Variants in ETV5 observed in about 807,000 individuals in gnomAD.
The protein encoded by ETV5 is ETS variant transcription factor 5.
A neutral mutation model predicts 70.0 loss-of-function variants in ETV5; 10 were observed. That is an observed-to-expected ratio of 0.14 (90% CI 0.09 to 0.24). The LOEUF is 0.24. ETV5 is among the 10% of genes least tolerant of loss of function. ETV5 has a pLI of 1.00. For missense variants in ETV5, 453 were observed against 651.2 expected (o/e 0.70, Z 3.31); for synonymous variants, 216 against 242.2 (o/e 0.89, Z 1.01).
At chr3:186,061,935 T>G (rs1713313994) in intron 9 of ETV5, among the ~76,000 whole-genome samples, 1 of 152,176 alleles carries the variant, frequency 6.6e-6, no homozygotes, top group African/African-American at 2.4e-5. Context: ...GACAATGTAC[T>G]AAAAACAACA....
chr3:186,096,672 T>C (rs1244395178), intron 5 of ETV5, among the ~76,000 whole-genome samples: 1 of 152,110 alleles, frequency 6.6e-6, no homozygotes, highest in East Asian at 1.9e-4. Flanking sequence ...CAAACTGCCT[T>C]ATTAAGTTTG....
intron 5 of ETV5, among the ~76,000 whole-genome samples, chr3:186,102,983 CTTGCCTTGCTTCT>C (rs1714496076): frequency 6.6e-6 from 1 of 152,124 alleles, no homozygotes; most frequent in African/African-American, 2.4e-5. Flanking sequence ...CATTTGTGTT[CTTGCCTTGCTTCT>C]TAAGCAAGTT....
intron 5 of ETV5, among the ~76,000 whole-genome samples, chr3:186,098,556 T>C (rs1183826459): frequency 1.3e-5 from 2 of 152,140 alleles, no homozygotes; most frequent in East Asian, 3.9e-4. Flanking sequence ...TGAATGCTCA[T>C]GAGACATCAA....
chr3:186,058,489 T>C (rs563145992), intron 9 of ETV5, among the ~76,000 whole-genome samples: 55 of 152,330 alleles, frequency 3.6e-4, no homozygotes, highest in South Asian at 2.5e-3. Context: ...TGGCTCATAC[T>C]ACAGGTCTGT....
rs567847270 is a variant in ETV5, at chr3:186,071,393, A to T, written c.651-5321T>A. On this transcript the variant is annotated intron_variant, in intron 7 of 12. Coordinates refer to ENST00000306376, the MANE Select transcript of ETV5 (RefSeq NM_004454.3). ...TCGAGAAGCAGCACAGCTGGGTAAG[A>T]GGCTGTGGCTGTGAAGTCAGAACAT... Among the ~76,000 whole-genome samples the T allele has an allele frequency of 1.1e-4, 17 of 152,348 alleles. No individual in the cohort carries two copies. In the East Asian group the frequency reaches 3.3e-3, roughly 29 times the overall value.
At chr3:186,078,066 AC>A (rs1257034098) in intron 7 of ETV5, 10 of 1,053,938 alleles carry the variant, frequency 9.5e-6, no homozygotes, top group Non-Finnish European at 1.1e-5. Context: ...GGAATCCAAA[AC>A]TCCTTCCTTC....
chr3:186,081,170 G>A lies in ETV5; in HGVS notation c.238C>T (p.Leu80Phe). 1 of 1,612,612 alleles carries A rather than the reference G, an allele frequency of 6.2e-7. No homozygotes were observed. Among genetic ancestry groups the A allele is most frequent in the South Asian group, 1.1e-5 (1 of 90,880 alleles). Residue 80 changes from leucine to phenylalanine, a missense_variant, in exon 6 of 13, where the codon CTT (leucine) becomes TTT (phenylalanine). This residue lies in a region of ETV5 where 47 missense variants were observed against 96.8 expected (regional missense o/e 0.49). Transcript: ENST00000306376. Reference sequence around the variant, plus strand: ...ATCTTGGTTGGAGGTGGGGCATGAAGCACCACTGAAATCAGAAGAGGGATG... The same window carrying A: ...ATCTTGGTTGGAGGTGGGGCATGAAACACCACTGAAATCAGAAGAGGGATG... Reference protein sequence around the residue: ...VPDFQSDNLVLHAPPPTKIKR... With the variant: ...VPDFQSDNLVFHAPPPTKIKR...
At chr3:186,071,054 T>A (rs1328528671) in intron 7 of ETV5, among the ~76,000 whole-genome samples, 1 of 152,230 alleles carries the variant, frequency 6.6e-6, no homozygotes, top group Non-Finnish European at 1.5e-5. Flanking sequence ...TATTTATTTG[T>A]CAGATTTATA....
At chr3:186,079,128 T>C (rs1453709669) in intron 7 of ETV5, 5 of 1,055,276 alleles carry the variant, frequency 4.7e-6, no homozygotes, top group African/African-American at 1.7e-5. Flanking sequence ...GCACATCTTC[T>C]ATAAAAGAAG....
intron 11 of ETV5, among the ~76,000 whole-genome samples, chr3:186,053,344 C>G (rs991366246): frequency 6.6e-6 from 1 of 152,198 alleles, no homozygotes; most frequent in African/African-American, 2.4e-5. Context: ...TCAAGTGACC[C>G]ACCTGCCTCA....
chr3:186,071,690 C>G (rs1377118046), intron 7 of ETV5, among the ~76,000 whole-genome samples: 2 of 152,156 alleles, frequency 1.3e-5, no homozygotes, highest in African/African-American at 4.8e-5. Flanking sequence ...CATGGTGGCT[C>G]AGGCCTGTAA....
intron 11 of ETV5, among the ~76,000 whole-genome samples, chr3:186,055,321 C>G (rs1033114998): frequency 6.6e-6 from 1 of 152,194 alleles, no homozygotes; most frequent in Non-Finnish European, 1.5e-5. Flanking sequence ...AGGTGACATG[C>G]TTTTCTCAAA....
At chr3:186,097,018 A>C (rs1381885282) in intron 5 of ETV5, among the ~76,000 whole-genome samples, 1 of 152,136 alleles carries the variant, frequency 6.6e-6, no homozygotes, top group Non-Finnish European at 1.5e-5. Context: ...CCGCTTGGCC[A>C]ATTAATCAAT....
chr3:186,066,081 A>C lies in ETV5; in HGVS notation c.651-9T>G, dbSNP rs775148708. ...ACAGTTGTCTCTGAAATCTGTAAGA[A>C]GAAAGAGGTTTTCATGTTGAACAAA... is the stretch of plus-strand genomic sequence containing the variant. On this transcript the variant is annotated splice_polypyrimidine_tract_variant and intron_variant, in intron 7 of 12. Coordinates refer to ENST00000306376, the MANE Select transcript of ETV5 (RefSeq NM_004454.3). 146 of 1,558,094 alleles carry C rather than the reference A, an allele frequency of 9.4e-5. No individual in the cohort carries two copies. The highest frequency in any genetic ancestry group is 1.7e-6 in the Non-Finnish European group (2 of 1,154,734).
chr3:186,065,979 T>G lies in ETV5; in HGVS notation c.744A>C (p.Ser248=). 1.9e-6 allele frequency: 3 copies of G among 1,610,966 alleles called. No individual in the cohort carries two copies. The highest frequency in any genetic ancestry group is 1.7e-4 in the Middle Eastern group (1 of 6,048). The part of the protein sequence containing the change: ...DNRPSYHRQM[S]EPIVPAAPPP... ...GGGGAGCTGCAGGGACAATAGGTTC[T>G]GACATTTGCCGATGGTAACTGGGGC... The change falls in exon 8 of 13, where the codon TCA becomes TCC. Residue 248 remains serine, a synonymous_variant. Transcript: ENST00000306376.
At chr3:186,053,802 T>C (rs1031886621) in intron 11 of ETV5, among the ~76,000 whole-genome samples, 4 of 152,120 alleles carry the variant, frequency 2.6e-5, no homozygotes, top group East Asian at 1.9e-4. Flanking sequence ...TTAAAACCAA[T>C]AGAAATAATG....
At chr3:186,108,419 G>A (rs924611330) in intron 1 of ETV5, 7 of 949,536 alleles carry the variant, frequency 7.4e-6, no homozygotes, top group East Asian at 6.1e-5. Flanking sequence ...GCCTGCGTAA[G>A]TTCCTGGTCG....
intron 5 of ETV5, among the ~76,000 whole-genome samples, chr3:186,101,354 T>G (rs545689339): frequency 1.4e-4 from 22 of 152,334 alleles, no homozygotes; most frequent in Non-Finnish European, 4.4e-5. Flanking sequence ...TGATCACTAC[T>G]CGCTTCAACT....
chr3:186,108,066 C>T (rs1714636499), intron 1 of ETV5, among the ~76,000 whole-genome samples: 1 of 151,864 alleles, frequency 6.6e-6, no homozygotes, highest in Non-Finnish European at 1.5e-5. Flanking sequence ...TTCATAAAGT[C>T]ACCCACATTC....
Sources: allele counts gnomAD v4.1 joint callset (sites outside exome capture counted in the v4.1 genomes callset), GRCh38; gene constraint gnomAD v4.1.1; regional missense constraint gnomAD v4.1.1; transcripts MANE v1.5; gene names NCBI Gene and HGNC (gene_info 2026-07-23, HGNC 2026-07-21).